Variants in ROBO1 observed in about 807,000 individuals in gnomAD.
ROBO1 encodes the protein roundabout guidance receptor 1.
In ROBO1, 149 loss-of-function variants were observed where a neutral mutation model predicts 195.9. That is an observed-to-expected ratio of 0.76 (90% CI 0.67 to 0.87). The LOEUF is 0.87. ROBO1 is among the 40% of genes least tolerant of loss of function. The pLI, the probability that ROBO1 is intolerant of heterozygous loss-of-function variation, is 0.00. For missense variants in ROBO1, 1,933 were observed against 2,068.3 expected (o/e 0.93, Z 1.27); for synonymous variants, 816 against 733.2 (o/e 1.11, Z -1.82).
chr3:79,643,409 A>G (rs1173617982), intron 1 of ROBO1, among the ~76,000 whole-genome samples: 1 of 152,174 alleles, frequency 6.6e-6, no homozygotes, highest in Non-Finnish European at 1.5e-5. Flanking sequence ...ACTCCCGTTC[A>G]TATATACATC....
At chr3:78,693,308 A>T in intron 8 of ROBO1, 3 of 1,549,936 alleles carry the variant, frequency 1.9e-6, no homozygotes, top group Non-Finnish European at 2.6e-6. Context: ...AGTCACAGTG[A>T]CACGGTGATG....
At chr3:79,695,291 A>C (rs141460004) in intron 1 of ROBO1, among the ~76,000 whole-genome samples, 17 of 151,770 alleles carry the variant, frequency 1.1e-4, no homozygotes, top group Non-Finnish European at 2.1e-4. Flanking sequence ...TCTGGTACTA[A>C]TTACTTATTT....
intron 3 of ROBO1, among the ~76,000 whole-genome samples, chr3:78,973,479 T>C (rs907076712): frequency 1.4e-5 from 2 of 146,110 alleles, no homozygotes; most frequent in African/African-American, 2.5e-5. Context: ...GCTATATATA[T>C]ATTATATATA....
chr3:79,179,938 G>A (rs1476696748), intron 2 of ROBO1, among the ~76,000 whole-genome samples: 2 of 152,196 alleles, frequency 1.3e-5, no homozygotes, highest in East Asian at 3.8e-4. Flanking sequence ...TGGTTGACAT[G>A]TGGAAATGTT....
chr3:79,357,699 T>C (rs1320569232), intron 2 of ROBO1, among the ~76,000 whole-genome samples: 1 of 152,118 alleles, frequency 6.6e-6, no homozygotes, highest in Non-Finnish European at 1.5e-5. Flanking sequence ...ACATAAGACT[T>C]CTAAAACACC....
chr3:79,605,731 C>T (rs1576104289), intron 1 of ROBO1, among the ~76,000 whole-genome samples: 1 of 152,034 alleles, frequency 6.6e-6, no homozygotes, highest in Non-Finnish European at 1.5e-5. Flanking sequence ...CCATTCATTG[C>T]ATCTCTAAAT....
In ROBO1 at chr3:79,279,046, G is replaced by A. The variant is rs2031292825; in HGVS notation, c.89-153507C>T. On this transcript the variant is annotated intron_variant, in intron 2 of 30. Coordinates refer to ENST00000464233, the MANE Select transcript of ROBO1 (RefSeq NM_002941.4). Reference sequence around the variant, plus strand: ...TCCCAGCACTTTGGGAGGCCAAGCAGGCAGATCACCTGAGGTCAGGAGTTT... The same window carrying A: ...TCCCAGCACTTTGGGAGGCCAAGCAAGCAGATCACCTGAGGTCAGGAGTTT... Among the ~76,000 whole-genome samples, 3 of 151,982 alleles carry A rather than the reference G, an allele frequency of 2.0e-5. No homozygotes were observed. In the South Asian group the frequency reaches 6.2e-4, roughly 31 times the overall value.
At chr3:79,701,830 AATG>A (rs71945108) in intron 1 of ROBO1, among the ~76,000 whole-genome samples, 42,995 of 151,352 alleles carry the variant, frequency 0.28, 7,103 homozygotes, top group African/African-American at 0.47. Flanking sequence ...TTATATTTGA[AATG>A]ATAATATTTT....
chr3:78,818,350 C>T (rs921727731), intron 4 of ROBO1, among the ~76,000 whole-genome samples: 2 of 152,164 alleles, frequency 1.3e-5, no homozygotes, highest in African/African-American at 2.4e-5. Flanking sequence ...TAAAGTCCCA[C>T]GCCAGACGCC....
intron 4 of ROBO1, among the ~76,000 whole-genome samples, chr3:78,793,445 T>A (rs992456541): frequency 6.6e-6 from 1 of 152,232 alleles, no homozygotes; most frequent in Non-Finnish European, 1.5e-5. Flanking sequence ...CTTCTGATTA[T>A]ACTTAGCCTT....
chr3:79,457,266 T>TA (rs1270400250), intron 2 of ROBO1, among the ~76,000 whole-genome samples: 1 of 152,192 alleles, frequency 6.6e-6, no homozygotes, highest in Non-Finnish European at 1.5e-5. Context: ...AAAGTTAATT[T>TA]AACATGAATT....
At chr3:78,722,248 A>G (rs1396780290) in intron 5 of ROBO1, among the ~76,000 whole-genome samples, 2 of 152,142 alleles carry the variant, frequency 1.3e-5, no homozygotes, top group Non-Finnish European at 2.9e-5. Context: ...TTACAACTAA[A>G]TCACATTGGC....
intron 5 of ROBO1, among the ~76,000 whole-genome samples, chr3:78,718,537 T>C (rs2081958267): frequency 1.3e-5 from 2 of 152,178 alleles, no homozygotes; most frequent in East Asian, 3.9e-4. Context: ...CTCTTGAACA[T>C]ATAATTAATT....
chr3:79,100,258 G>A (rs987043368), intron 3 of ROBO1, among the ~76,000 whole-genome samples: 41 of 151,756 alleles, frequency 2.7e-4, no homozygotes, highest in African/African-American at 9.9e-4. Context: ...GCCAGTCACT[G>A]TACTGTAATG....
intron 1 of ROBO1, among the ~76,000 whole-genome samples, chr3:79,755,227 G>C (rs1042179364): frequency 6.6e-6 from 1 of 151,864 alleles, no homozygotes; most frequent in Non-Finnish European, 1.5e-5. Flanking sequence ...ATTATCTCAC[G>C]ATGCTTAGAA....
intron 4 of ROBO1, among the ~76,000 whole-genome samples, chr3:78,750,952 T>C (rs1210674074): frequency 2.0e-5 from 3 of 152,348 alleles, no homozygotes; most frequent in East Asian, 3.9e-4. Context: ...GTTGTTTTGC[T>C]TGTTTACCAC....
chr3:79,572,388 A>G (rs536901865), intron 2 of ROBO1, among the ~76,000 whole-genome samples: 2 of 152,214 alleles, frequency 1.3e-5, no homozygotes, highest in African/African-American at 4.8e-5. Flanking sequence ...AATATTCATG[A>G]CATAATTATA....
At chr3:78,688,627 A>T (rs745801591) in intron 9 of ROBO1, 21 bp downstream of exon 9, 3 of 1,551,178 alleles carry the variant, frequency 1.9e-6, no homozygotes, top group South Asian at 2.5e-5. Context: ...TTAAAAAAAA[A>T]AAGTTAGAAA....
chr3:79,155,191 CT>C (rs767715767), intron 2 of ROBO1, among the ~76,000 whole-genome samples: 1,462 of 145,332 alleles, frequency 0.01, 8 homozygotes, highest in Non-Finnish European at 0.015. Context: ...AAGATCTACC[CT>C]TTTTTTTTTT....
Sources: allele counts gnomAD v4.1 joint callset (sites outside exome capture counted in the v4.1 genomes callset), GRCh38; gene constraint gnomAD v4.1.1; transcripts MANE v1.5; gene names NCBI Gene and HGNC (gene_info 2026-07-23, HGNC 2026-07-21).